NOX4: variants seen among roughly 807,000 people sequenced by gnomAD.
NOX4 encodes NADPH oxidase 4.
NOX4 carries 69 observed loss-of-function variants against 87.6 expected under a neutral mutation model. The observed-to-expected ratio is 0.79, with a 90% confidence interval of 0.65 to 0.96. The LOEUF is 0.96. Ranked by LOEUF, NOX4 falls within the 40% of genes least tolerant of loss-of-function variation. The probability of loss-of-function intolerance (pLI) is 0.00; values close to 1 mark genes in which losing one functional copy is unlikely to be tolerated. For synonymous variants in NOX4, 275 were observed against 238.2 expected, an observed-to-expected ratio of 1.15 and a Z score of -1.42; for missense variants, 680 against 681.5, an observed-to-expected ratio of 1.00 and a Z score of 0.02.
intron 2 of NOX4, among the ~76,000 whole-genome samples, chr11:89,454,869 T>C (rs1945118728): frequency 6.6e-6 from 1 of 152,156 alleles, no homozygotes; most frequent in Non-Finnish European, 1.5e-5. Context: ...AATTTACAGA[T>C]GACTTGTATA....
intron 13 of NOX4, among the ~76,000 whole-genome samples, chr11:89,351,049 G>C (rs1234456366): frequency 6.6e-6 from 1 of 152,230 alleles, no homozygotes; most frequent in Non-Finnish European, 1.5e-5. Flanking sequence ...GCCAAACAGT[G>C]AGCCAAATTG....
chr11:89,571,849 G>C, the NOX4 span, among the ~76,000 whole-genome samples: 1 of 152,134 alleles, frequency 6.6e-6, no homozygotes, highest in Non-Finnish European at 1.5e-5. Flanking sequence ...GAATTTCCTT[G>C]TGGACAAAGG....
intron 4 of NOX4, among the ~76,000 whole-genome samples, chr11:89,445,811 G>A (rs888499902): frequency 2.6e-5 from 4 of 152,030 alleles, no homozygotes; most frequent in Non-Finnish European, 5.9e-5. Flanking sequence ...GTTTGGTGTT[G>A]GCTTTTTAGA....
At chr11:89,332,148 A>C (rs496199) in intron 17 of NOX4, among the ~76,000 whole-genome samples, 1 of 151,870 alleles carries the variant, frequency 6.6e-6, no homozygotes. Flanking sequence ...AGGATCTTAC[A>C]TAATGAGAAC....
intron 2 of NOX4, among the ~76,000 whole-genome samples, chr11:89,455,297 C>A (rs1048415265): frequency 6.6e-6 from 1 of 152,070 alleles, no homozygotes; most frequent in Admixed American, 6.6e-5. Context: ...TATATTATCA[C>A]AAGGACATTC....
chr11:89,536,212 T>G, the NOX4 span, among the ~76,000 whole-genome samples: 1 of 145,748 alleles, frequency 6.9e-6, no homozygotes, highest in Non-Finnish European at 1.5e-5. Context: ...AGTGGCGCGA[T>G]CTCGGCTCAC....
chr11:89,337,477 C>A lies in NOX4; in HGVS notation c.1485G>T (p.Gln495His). ...TCCCATCTGTTTGACTGAGGTACAGCTGGATGTTGACATAGTCAGGTCTGT... is the reference window on the plus strand; with the variant it reads ...TCCCATCTGTTTGACTGAGGTACAGATGGATGTTGACATAGTCAGGTCTGT... ...QENRPDYVNI[Q>H]LYLSQTDGIQ... The change falls in exon 16 of 18, where the codon CAG becomes CAT. Residue 495 changes from glutamine to histidine, a missense_variant. By Grantham distance (24) the Gln-to-His change is conservative (BLOSUM62 0). Transcript: ENST00000263317. 1 of 1,612,434 alleles carries A rather than the reference C, an allele frequency of 6.2e-7. No individual in the cohort carries two copies. Among genetic ancestry groups the A allele is most frequent in the Non-Finnish European group, 8.5e-7 (1 of 1,178,896 alleles).
At chr11:89,384,053 T>G (rs1365703302) in intron 11 of NOX4, among the ~76,000 whole-genome samples, 1 of 151,926 alleles carries the variant, frequency 6.6e-6, no homozygotes, top group East Asian at 1.9e-4. Flanking sequence ...GCCTATAAAC[T>G]CTCCTTACAA....
At chr11:89,511,801 G>A in the NOX4 span, among the ~76,000 whole-genome samples, 2 of 152,082 alleles carry the variant, frequency 1.3e-5, no homozygotes, top group East Asian at 1.9e-4. Context: ...GTTTTCCAAA[G>A]AGAAGAGCCA....
chr11:89,435,303 T>C (rs1944023744), intron 6 of NOX4, among the ~76,000 whole-genome samples: 1 of 152,070 alleles, frequency 6.6e-6, no homozygotes, highest in Non-Finnish European at 1.5e-5. Context: ...TGGGCCTTTA[T>C]TAGTGTTCTT....
At chr11:89,456,688 C>T (rs967177653) in intron 2 of NOX4, among the ~76,000 whole-genome samples, 4 of 152,138 alleles carry the variant, frequency 2.6e-5, no homozygotes, top group Non-Finnish European at 5.9e-5. Flanking sequence ...AAAATCCTGG[C>T]AACAAGACAG....
At chr11:89,499,645 A>C (rs1338516858), upstream of NOX4, among the ~76,000 whole-genome samples, 1 of 152,152 alleles carries the variant, frequency 6.6e-6, no homozygotes, top group African/African-American at 2.4e-5. Flanking sequence ...CCATTCTCAC[A>C]ATTGGATCAC....
At chr11:89,362,041 T>G (rs1418902338) in intron 12 of NOX4, among the ~76,000 whole-genome samples, 1 of 152,134 alleles carries the variant, frequency 6.6e-6, no homozygotes, top group Non-Finnish European at 1.5e-5. Flanking sequence ...GCTCTAGTTC[T>G]TCCCACCAAT....
At position 89,386,500 on chromosome 11, in the gene NOX4, G is replaced by A. The variant is rs770327706; in HGVS notation, c.1075-13008C>T. ...GAAGTCCTATTCTTTACTTTTATAC[G>A]CACTGTTATTCTTGTTCCCATTCTT... On this transcript the variant is annotated intron_variant, in intron 11 of 17. Coordinates refer to ENST00000263317, the MANE Select transcript of NOX4 (RefSeq NM_016931.5). Among the ~76,000 whole-genome samples the A allele has an allele frequency of 5.9e-5, 9 of 151,962 alleles. No homozygotes were observed. The South Asian group carries it at 6.2e-4, about 11-fold the overall frequency.
intron 2 of NOX4, among the ~76,000 whole-genome samples, chr11:89,459,550 C>T (rs1945357132): frequency 6.6e-6 from 1 of 152,070 alleles, no homozygotes; most frequent in South Asian, 2.1e-4. Flanking sequence ...GAGTGAACTC[C>T]CATTCACAAT....
chr11:89,497,756 A>G (rs1256209151), intron 1 of NOX4, among the ~76,000 whole-genome samples: 1 of 152,218 alleles, frequency 6.6e-6, no homozygotes, highest in Non-Finnish European at 1.5e-5. Flanking sequence ...TCCCAGAGCC[A>G]CACACTGGGC....
intron 11 of NOX4, among the ~76,000 whole-genome samples, chr11:89,376,390 T>C (rs1939836971): frequency 1.3e-5 from 2 of 152,214 alleles, no homozygotes; most frequent in Non-Finnish European, 2.9e-5. Context: ...TAATATTGCC[T>C]AGATCACATT....
the NOX4 span, among the ~76,000 whole-genome samples, chr11:89,505,746 A>C: frequency 6.6e-6 from 1 of 151,960 alleles, no homozygotes; most frequent in Non-Finnish European, 1.5e-5. Flanking sequence ...GTTCGATGAA[A>C]TAAGTACATT....
chr11:89,569,284 A>G, the NOX4 span, among the ~76,000 whole-genome samples: 1 of 152,144 alleles, frequency 6.6e-6, no homozygotes, highest in African/African-American at 2.4e-5. Flanking sequence ...CCTAAATTGA[A>G]AGAAAAAATA....
Sources: allele counts gnomAD v4.1 joint callset (sites outside exome capture counted in the v4.1 genomes callset), GRCh38; gene constraint gnomAD v4.1.1; transcripts MANE v1.5; gene names NCBI Gene and HGNC (gene_info 2026-07-23, HGNC 2026-07-21).